The following ADGRL2 variants were observed in gnomAD, a reference collection of about 807,000 sequenced individuals.
ADGRL2 encodes the protein calcium-independent alpha-latrotoxin receptor 2.
ADGRL2 carries 44 observed loss-of-function variants against 157.4 expected under a neutral mutation model. The observed-to-expected ratio is 0.28, with a 90% CI of 0.22 to 0.36. ADGRL2 has a LOEUF of 0.36. Among genes scored for constraint, ADGRL2 ranks in the 10% least tolerant of loss-of-function variants. The pLI is 1.00. For missense variants in ADGRL2, 1,510 were observed against 1,768.9 expected (o/e 0.85, Z 2.63); for synonymous variants, 585 against 624.7 (o/e 0.94, Z 0.95).
chr1:81,721,104 A>G (rs569613161), intron 1 of ADGRL2, among the ~76,000 whole-genome samples: 5 of 149,688 alleles, frequency 3.3e-5, no homozygotes, highest in African/African-American at 1.2e-4. Context: ...TCTCCTAGAC[A>G]CAAGCGATCC....
At chr1:81,753,287 C>CA (rs2085551469) in intron 1 of ADGRL2, among the ~76,000 whole-genome samples, 2 of 152,156 alleles carry the variant, frequency 1.3e-5, no homozygotes, top group Admixed American at 6.5e-5. Flanking sequence ...TGGTGGCAGG[C>CA]AAGAGAGAGC....
intron 3 of ADGRL2, among the ~76,000 whole-genome samples, chr1:81,924,423 A>T (rs1364765246): frequency 1.3e-5 from 2 of 152,144 alleles, no homozygotes; most frequent in African/African-American, 4.8e-5. Context: ...AGATATCAAG[A>T]TTCTCAAAGT....
chr1:81,595,962 C>T (rs1327134514), intron 3 of ADGRL2, among the ~76,000 whole-genome samples: 1 of 152,146 alleles, frequency 6.6e-6, no homozygotes, highest in Non-Finnish European at 1.5e-5. Flanking sequence ...TCCTTGTCCT[C>T]ACAGGGCGGA....
rs112598092 is a variant in ADGRL2, at chr1:81,348,637, G to A, written c.-302+42128G>A. Reference sequence around the variant, plus strand: ...AAGAAAACAAAACCAAGAATAAATAGCACCACCACCACCAACAACAACAAA... The same window carrying A: ...AAGAAAACAAAACCAAGAATAAATAACACCACCACCACCAACAACAACAAA... On this transcript the variant is annotated intron_variant, in intron 1 of 24. Transcript: ENST00000370721. 2.7e-3 allele frequency among the ~76,000 whole-genome samples: 415 copies of A among 152,062 alleles called. 1 individual carries two copies. Among genetic ancestry groups the A allele is most frequent in the African/African-American group, 9.5e-3 (394 of 41,458 alleles).
At position 81,940,492 on chromosome 1, in the gene ADGRL2, T is replaced by G. The variant is rs543727879; in HGVS notation, c.398-1542T>G. Among the ~76,000 whole-genome samples the G allele has an allele frequency of 1.1e-3, 169 of 151,698 alleles. 1 individual carries two copies. Among genetic ancestry groups the G allele is most frequent in the Non-Finnish European group, 1.8e-3 (125 of 67,696 alleles). ...AGAATAACACATTATAGAGCAAGTA[T>G]GTTTCCTGAAAGTGGTTACATAGAC... is the stretch of plus-strand genomic sequence containing the variant. On this transcript the variant is annotated intron_variant, in intron 4 of 23. Coordinates refer to ENST00000686636, the MANE Select transcript of ADGRL2 (RefSeq NM_001366006.2).
intron 3 of ADGRL2, among the ~76,000 whole-genome samples, chr1:81,592,438 C>A (rs1341849697): frequency 2.0e-5 from 3 of 152,140 alleles, no homozygotes; most frequent in Non-Finnish European, 2.9e-5. Flanking sequence ...TAACAATTTC[C>A]CTGCTATATG....
In ADGRL2 at chr1:81,943,500, C is replaced by T. The variant is rs1307859781; in HGVS notation, c.941C>T (p.Ala314Val). Reference protein sequence around the residue: ...ATWETVYDKRAASNAFMICGV... With the variant: ...ATWETVYDKRVASNAFMICGV... ...TGGGAGACTGTATACGACAAACGTG[C>T]CGCATCAAATGCTTTTATGATATGC... Residue 314 changes from alanine (A) to valine (V), a missense_variant, in exon 6 of 24, where the codon GCC (alanine) becomes GTC (valine). By Grantham distance (64) the Ala-to-Val change is moderately conservative (BLOSUM62 0). Around this residue, in one of 4 missense-constraint regions of ADGRL2, gnomAD observed 361 missense variants for 498.4 expected, o/e 0.72. Transcript: ENST00000686636. The surrounding 1 kb of genome is among the most constrained non-coding windows in gnomAD (Gnocchi z 5.6). The T allele has an allele frequency of 3.7e-6, 6 of 1,613,762 alleles. No homozygotes were observed.
intron 11 of ADGRL2, among the ~76,000 whole-genome samples, chr1:81,960,740 TG>T (rs1434295971): frequency 6.6e-6 from 1 of 152,210 alleles, no homozygotes; most frequent in Non-Finnish European, 1.5e-5. Flanking sequence ...CCCAAAGTGC[TG>T]GGATTAAAGG....
chr1:81,877,538 A>G (rs928020364), intron 2 of ADGRL2, among the ~76,000 whole-genome samples: 2 of 152,170 alleles, frequency 1.3e-5, no homozygotes, highest in African/African-American at 4.8e-5. Flanking sequence ...TTCTGGAGAT[A>G]TTCCAAGAAC....
At chr1:81,861,758 G>A (rs1378199944) in intron 2 of ADGRL2, among the ~76,000 whole-genome samples, 1 of 151,928 alleles carries the variant, frequency 6.6e-6, no homozygotes, top group African/African-American at 2.4e-5. Context: ...TTGTGGTGGC[G>A]CTTGCCTGTT....
intron 11 of ADGRL2, among the ~76,000 whole-genome samples, chr1:81,959,588 A>G (rs1032253119): frequency 6.6e-6 from 1 of 152,166 alleles, no homozygotes; most frequent in African/African-American, 2.4e-5. Context: ...TTTTAAAGCA[A>G]ATTGTAAAAT....
chr1:81,717,695 G>A (rs2149106735), intron 1 of ADGRL2, among the ~76,000 whole-genome samples: 1 of 152,242 alleles, frequency 6.6e-6, no homozygotes, highest in Admixed American at 6.5e-5. Context: ...CTCCATGCCT[G>A]GATTCTCCAT....
intron 1 of ADGRL2, among the ~76,000 whole-genome samples, chr1:81,739,648 A>G (rs1014478570): frequency 6.6e-6 from 1 of 152,224 alleles, no homozygotes; most frequent in African/African-American, 2.4e-5. Flanking sequence ...AATAAAGCAG[A>G]TAAATTGAGC....
intron 1 of ADGRL2, among the ~76,000 whole-genome samples, chr1:81,433,661 A>T (rs770033170): frequency 2.6e-5 from 4 of 152,176 alleles, no homozygotes; most frequent in Non-Finnish European, 5.9e-5. Flanking sequence ...TGGTTTTCTC[A>T]TTTGTAAAAG....
At chr1:81,466,315 A>C (rs1212592501) in intron 2 of ADGRL2, among the ~76,000 whole-genome samples, 8 of 152,160 alleles carry the variant, frequency 5.3e-5, no homozygotes, top group Non-Finnish European at 1.2e-4. Context: ...TTTTCATGAT[A>C]TCAAAGTGTA....
At chr1:81,645,273 T>C (rs1238131820) in intron 3 of ADGRL2, among the ~76,000 whole-genome samples, 3 of 151,684 alleles carry the variant, frequency 2.0e-5, no homozygotes, top group Non-Finnish European at 4.4e-5. Context: ...GTGCCTGTAG[T>C]CCTAGCTACT....
chr1:81,545,286 A>G (rs1019446321), intron 2 of ADGRL2, among the ~76,000 whole-genome samples: 4 of 141,422 alleles, frequency 2.8e-5, no homozygotes, highest in Non-Finnish European at 6.3e-5. Context: ...AGACTGACTG[A>G]ACTTTTTTTT....
chr1:81,355,762 C>T (rs1205916102), intron 1 of ADGRL2, among the ~76,000 whole-genome samples: 1 of 152,146 alleles, frequency 6.6e-6, no homozygotes, highest in African/African-American at 2.4e-5. Flanking sequence ...GTTCTGTAGG[C>T]AACAAGAGCC....
intron 2 of ADGRL2, among the ~76,000 whole-genome samples, chr1:81,496,058 G>T (rs994958387): frequency 6.6e-6 from 1 of 152,006 alleles, no homozygotes; most frequent in African/African-American, 2.4e-5. Flanking sequence ...CACAATATTG[G>T]CAGGTCTTCA....
Sources: gnomAD v4.1 joint callset for allele counts (sites outside exome capture counted in the v4.1 genomes callset) on GRCh38, gnomAD v4.1.1 for gene constraint, gnomAD v4.1.1 regional missense constraint, Gnocchi (gnomAD v3.1) non-coding constraint, MANE v1.5 for transcripts, NCBI Gene and HGNC (gene_info 2026-07-23, HGNC 2026-07-21) for gene names.